Variants in HMCN1 observed in about 807,000 individuals in gnomAD.
HMCN1 encodes hemicentin 1.
HMCN1 carries 321 observed loss-of-function variants against 625.9 expected under a neutral mutation model. The ratio of observed to expected loss-of-function variants is 0.51; its 90% CI spans 0.47 to 0.56. The LOEUF (loss-of-function observed/expected upper bound fraction) is 0.56, where lower values mean the gene tolerates loss of function less well. HMCN1 is among the 20% of genes least tolerant of loss of function. The pLI is 0.00. For synonymous variants in HMCN1, 2,425 were observed against 2,417.6 expected (o/e 1.00, Z -0.09); for missense variants, 6,588 against 6,887.3 (o/e 0.96, Z 1.54).
chr1:185,786,942 T>C (rs1456782130), intron 1 of HMCN1, among the ~76,000 whole-genome samples: 1 of 152,236 alleles, frequency 6.6e-6, no homozygotes, highest in Non-Finnish European at 1.5e-5. Context: ...TGATGGGACA[T>C]GCTTTTTTGC....
At chr1:185,789,028 T>G (rs930210854) in intron 1 of HMCN1, among the ~76,000 whole-genome samples, 3 of 152,218 alleles carry the variant, frequency 2.0e-5, no homozygotes, top group Non-Finnish European at 4.4e-5. Flanking sequence ...CTACATTTGT[T>G]TTTATTAAAA....
chr1:185,861,064 A>G (rs535010284), intron 2 of HMCN1, among the ~76,000 whole-genome samples: 2 of 152,316 alleles, frequency 1.3e-5, no homozygotes, highest in South Asian at 4.1e-4. Flanking sequence ...GGGAGATTCC[A>G]ATGGGATTAA....
intron 15 of HMCN1, among the ~76,000 whole-genome samples, chr1:185,976,081 C>T (rs1342286951): frequency 6.6e-6 from 1 of 152,122 alleles, no homozygotes; most frequent in Non-Finnish European, 1.5e-5. Flanking sequence ...TGTAGTCTAA[C>T]AACAGGTTGA....
At chr1:186,145,979 G>A in intron 93 of HMCN1, 56 bp downstream of exon 93, 2 of 1,552,540 alleles carry the variant, frequency 1.3e-6, no homozygotes, top group Non-Finnish European at 1.8e-6. Context: ...GCAAATTAGA[G>A]AAAGGTGCCA....
rs1448625191 is a variant in HMCN1 at position 186,086,391 on chromosome 1, T to C, written c.9030T>C (p.Asn3010=). The C allele has an allele frequency of 1.1e-5, 18 of 1,613,148 alleles. No individual in the cohort carries two copies. Among genetic ancestry groups the C allele is most frequent in the Non-Finnish European group, 1.4e-5 (17 of 1,179,436 alleles). The change falls in exon 58 of 107, where the codon AAT becomes AAC. Residue 3010 remains asparagine (N), a synonymous_variant. Transcript: ENST00000271588. ...KNEQPIKLNT[N]TLIVPGGRTL... ...AACAGCCCATCAAACTGAACACAAA[T>C]ACTCTCATTGTGCCTGGTAAGGAAC... is the stretch of plus-strand genomic sequence containing the variant.
rs1393942501 is a variant in HMCN1, at chr1:185,897,251, A to AT, written c.622-12080dup. Among the ~76,000 whole-genome samples the AT allele has an allele frequency of 2.6e-5, 4 of 151,880 alleles. No homozygotes were observed. In the East Asian group the frequency reaches 7.8e-4, roughly 29 times the overall value. ...CTGCCACATTATTGATCATTTATTT[A>AT]TTTTTTGCCTGTTCTAGCTGCCACA... On this transcript the variant is annotated intron_variant, in intron 4 of 106. Transcript: ENST00000271588.
intron 63 of HMCN1, among the ~76,000 whole-genome samples, chr1:186,089,651 T>C (rs750677578): frequency 1.3e-5 from 2 of 152,024 alleles, no homozygotes; most frequent in South Asian, 2.1e-4. Context: ...TCATGAGATA[T>C]GTTGTAGGAC....
At chr1:185,864,779 T>G (rs1346085815) in intron 3 of HMCN1, 151 bp downstream of exon 3, 3 of 718,552 alleles carry the variant, frequency 4.2e-6, no homozygotes, top group Non-Finnish European at 7.2e-6. Flanking sequence ...TCATCTGATT[T>G]AAACATATTA....
At chr1:186,039,055 A>C (rs1403207330) in intron 38 of HMCN1, 50 bp downstream of exon 38, 2 of 1,204,774 alleles carry the variant, frequency 1.7e-6, no homozygotes, top group Non-Finnish European at 2.5e-6. Context: ...AGCATTCAAA[A>C]TGATTAAGTG....
At chr1:185,773,004 C>T (rs1656348950) in intron 1 of HMCN1, among the ~76,000 whole-genome samples, 1 of 152,152 alleles carries the variant, frequency 6.6e-6, no homozygotes, top group Non-Finnish European at 1.5e-5. Context: ...AAAAGCCCCA[C>T]CTCCCAACAC....
chr1:185,833,243 C>G (rs963284376), intron 1 of HMCN1, among the ~76,000 whole-genome samples: 7 of 152,176 alleles, frequency 4.6e-5, no homozygotes, highest in Non-Finnish European at 1.0e-4. Context: ...TCTTCCTCCA[C>G]CAGAAAAATA....
chr1:185,892,788 G>A (rs1665201052), intron 4 of HMCN1, among the ~76,000 whole-genome samples: 1 of 152,192 alleles, frequency 6.6e-6, no homozygotes, highest in Admixed American at 6.5e-5. Context: ...TGCCCCCAGA[G>A]GTGGAGCCTA....
At chr1:185,835,673 C>T (rs536183960) in intron 1 of HMCN1, among the ~76,000 whole-genome samples, 1 of 151,682 alleles carries the variant, frequency 6.6e-6, no homozygotes, top group African/African-American at 2.4e-5. Flanking sequence ...TTAAAATGGG[C>T]ATTTACACTG....
At chr1:185,981,140 C>T (rs1651604983) in intron 17 of HMCN1, 67 bp downstream of exon 17, 1 of 957,852 alleles carries the variant, frequency 1.0e-6, no homozygotes, top group Non-Finnish European at 1.7e-6. Flanking sequence ...ACTATGTCAT[C>T]TCTTGCCTGT....
chr1:186,171,981 A>G (rs765765253), intron 101 of HMCN1, 25 bp from the exon 102 acceptor site: 26 of 1,609,962 alleles, frequency 1.6e-5, no homozygotes, highest in Non-Finnish European at 2.2e-5. Context: ...TTCTTAATCT[A>G]CATTACCTTT....
At chr1:186,029,149 A>G (rs1465865823) in intron 36 of HMCN1, among the ~76,000 whole-genome samples, 1 of 149,804 alleles carries the variant, frequency 6.7e-6, no homozygotes, top group African/African-American at 2.4e-5. Flanking sequence ...AGTCTTTCAG[A>G]AAAAAAAAAT....
chr1:186,113,902 T>C (rs1661004293), intron 72 of HMCN1, 77 bp from the exon 73 acceptor site: 1 of 1,486,660 alleles, frequency 6.7e-7, no homozygotes, highest in East Asian at 2.3e-5. Context: ...GCTCATCTTA[T>C]ATTACATCTT....
intron 19 of HMCN1, among the ~76,000 whole-genome samples, chr1:185,985,516 T>C (rs996844362): frequency 1.3e-5 from 2 of 152,208 alleles, no homozygotes; most frequent in Non-Finnish European, 2.9e-5. Context: ...ATGTCTTTCC[T>C]ATCAGAGGGG....
chr1:185,842,976 T>A (rs1038683914), intron 1 of HMCN1, among the ~76,000 whole-genome samples: 3 of 152,308 alleles, frequency 2.0e-5, no homozygotes, highest in Admixed American at 6.5e-5. Flanking sequence ...CTTTCTTCAC[T>A]ACCAAAGTTT....
Sources: allele counts gnomAD v4.1 joint callset (sites outside exome capture counted in the v4.1 genomes callset), GRCh38; gene constraint gnomAD v4.1.1; transcripts MANE v1.5; gene names NCBI Gene and HGNC (gene_info 2026-07-23, HGNC 2026-07-21).